SNX1: variants seen among roughly 807,000 people sequenced by gnomAD.
SNX1 encodes the protein sorting nexin 1.
SNX1 carries 36 observed loss-of-function variants against 71.8 expected under a neutral mutation model. That is an observed-to-expected ratio of 0.50 (90% CI 0.38 to 0.66). SNX1 has a LOEUF of 0.66. Among genes scored for constraint, SNX1 ranks in the 30% least tolerant of loss-of-function variants. The pLI is 0.00. For missense variants in SNX1, 612 were observed against 646.7 expected, an observed-to-expected ratio of 0.95 and a Z score of 0.58; for synonymous variants, 254 against 240.7, an observed-to-expected ratio of 1.06 and a Z score of -0.51.
rs753001540 is a variant in SNX1, at chr15:64,112,620, C to A, written c.207C>A (p.Asn69Lys). The stretch of plus-strand genomic sequence containing the variant: ...TAACTACATCCCTTCTTCCCATCAA[C>A]AATGGCTCCAAAGAAAATGGGATCC... ...PKITTSLLPI[N>K]NGSKENGIHE... The change falls in exon 2 of 15, where the codon AAC (asparagine) becomes AAA (lysine). Residue 69 changes from asparagine to lysine, a missense_variant. This residue lies in a region of SNX1 where 316 missense variants were observed against 284.9 expected (regional missense o/e 1.11). Transcript: ENST00000559844. 8.1e-6 allele frequency: 13 copies of A among 1,613,406 alleles called. No individual in the cohort carries two copies. The highest frequency in any genetic ancestry group is 1.0e-5 in the Non-Finnish European group (12 of 1,179,668).
At chr15:64,137,518 G>A in intron 14 of SNX1, 50 bp from the exon 15 acceptor site, 1 of 1,610,154 alleles carries the variant, frequency 6.2e-7, no homozygotes, top group African/African-American at 1.3e-5. Context: ...GCTGGCTTAG[G>A]CTCTGCCACT....
intron 1 of SNX1, among the ~76,000 whole-genome samples, chr15:64,100,080 G>C (rs2080943026): frequency 6.6e-6 from 1 of 152,208 alleles, no homozygotes; most frequent in South Asian, 2.1e-4. Context: ...TGGAGACAGA[G>C]AGGAGCATTG....
chr15:64,115,866 A>G (rs1025502101), intron 2 of SNX1, among the ~76,000 whole-genome samples: 5 of 152,206 alleles, frequency 3.3e-5, no homozygotes, highest in Non-Finnish European at 5.9e-5. Flanking sequence ...TCATTTCCAA[A>G]CATGTTTGTT....
chr15:64,130,905 C>A (rs2081299667), intron 10 of SNX1, among the ~76,000 whole-genome samples: 2 of 152,336 alleles, frequency 1.3e-5, no homozygotes, highest in South Asian at 4.1e-4. Context: ...CCATGAGCTA[C>A]AAATTTAGGT....
chr15:64,124,179 T>C (rs1370037618), intron 5 of SNX1, among the ~76,000 whole-genome samples: 1 of 142,966 alleles, frequency 7.0e-6, no homozygotes, highest in African/African-American at 2.8e-5. Context: ...TATATATATA[T>C]GACTGTTTTG....
Position 64,096,062 on chromosome 15 carries a change from C to T in SNX1, c.49C>T (p.Pro17Ser), listed in dbSNP as rs151109030. 10 of 1,587,496 alleles carry T rather than the reference C, an allele frequency of 6.3e-6. No individual in the cohort carries two copies. The highest frequency in any genetic ancestry group is 1.3e-5 in the African/African-American group (1 of 74,880). ...GCSASERLPPPFPGLEPESEG... is the reference protein window; with the variant it reads ...GCSASERLPPSFPGLEPESEG... The stretch of plus-strand genomic sequence containing the variant: ...TAGCGCTTCGGAGAGACTGCCTCCG[C>T]CCTTCCCCGGCCTGGAGCCGGAGTC... Residue 17 changes from proline to serine, a missense_variant, in exon 1 of 15, where the codon CCC becomes TCC. Transcript: ENST00000559844.
rs3848144 is a variant in SNX1, at chr15:64,137,847, A to T, written c.*229A>T. On this transcript the variant is annotated 3_prime_UTR_variant, in exon 15 of 15. Coordinates refer to ENST00000559844, the MANE Select transcript of SNX1 (RefSeq NM_003099.5). The stretch of plus-strand genomic sequence containing the variant: ...TTCCTGCTTTAAGCAAAAGACCTAC[A>T]ATAGGTGGTGGAATTATGGGATGGG... 5.5e-3 allele frequency: 7,768 copies of T among 1,413,012 alleles called. 334 individuals carry two copies. In the African/African-American group the frequency reaches 0.097, roughly 18 times the overall value. 87.5% of individuals were successfully genotyped at this position (1,413,012 alleles called of 1,614,324 possible). A position where few individuals can be genotyped will look rare whatever the true frequency, so the allele number is the denominator to read the frequency against.
intron 1 of SNX1, among the ~76,000 whole-genome samples, chr15:64,099,734 A>G (rs907892611): frequency 2.6e-5 from 4 of 152,230 alleles, no homozygotes; most frequent in Non-Finnish European, 5.9e-5. Flanking sequence ...TTTTTGAGAC[A>G]TAGTCTCACT....
chr15:64,123,455 A>C, intron 4 of SNX1, 48 bp from the exon 5 acceptor site: 6 of 1,524,292 alleles, frequency 3.9e-6, no homozygotes, highest in African/African-American at 1.4e-5. Flanking sequence ...CTGGATTGGC[A>C]CTGCTTTGGT....
chr15:64,125,015 T>A (rs2081235556), intron 5 of SNX1, among the ~76,000 whole-genome samples: 1 of 152,214 alleles, frequency 6.6e-6, no homozygotes, highest in Non-Finnish European at 1.5e-5. Context: ...CTGCGTCCTG[T>A]GAGCTCTAGA....
At chr15:64,110,649 A>T (rs1391658628) in intron 1 of SNX1, among the ~76,000 whole-genome samples, 1 of 152,076 alleles carries the variant, frequency 6.6e-6, no homozygotes, top group Non-Finnish European at 1.5e-5. Flanking sequence ...CAGTCCTCCC[A>T]CCTTGGCCTC....
At chr15:64,124,703 C>G (rs1056905184) in intron 5 of SNX1, among the ~76,000 whole-genome samples, 1 of 152,160 alleles carries the variant, frequency 6.6e-6, no homozygotes, top group African/African-American at 2.4e-5. Context: ...TTGCACATCT[C>G]TAGTACACAC....
intron 1 of SNX1, among the ~76,000 whole-genome samples, chr15:64,104,207 G>A (rs564497048): frequency 6.6e-6 from 1 of 150,658 alleles, no homozygotes; most frequent in Admixed American, 6.6e-5. Context: ...AATTAACTTA[G>A]CTTTCAGAAT....
Position 64,129,822 on chromosome 15 carries a change from A to G in SNX1, c.808-94A>G, listed in dbSNP as rs1239117370. 3 of 857,804 alleles carry G rather than the reference A, an allele frequency of 3.5e-6. No homozygotes were observed. The African/African-American group carries it at 5.0e-5, about 14-fold the overall frequency. The allele number at this position is 857,804 out of a possible 1,614,324, so 53.1% of individuals were successfully genotyped here. On this transcript the variant is annotated intron_variant, in intron 8 of 14. Coordinates refer to ENST00000559844, the MANE Select transcript of SNX1 (RefSeq NM_003099.5). The surrounding 1 kb of genome is among the most constrained non-coding windows in gnomAD (Gnocchi z 4.4). ...TTACAGTTCAAATAATTTGTCTGGC[A>G]AGTTTTGGCATGCCATCTGATGGAT...
chr15:64,135,592 C>T (rs1437820252), intron 12 of SNX1, among the ~76,000 whole-genome samples: 7 of 151,188 alleles, frequency 4.6e-5, no homozygotes, highest in Non-Finnish European at 7.4e-5. Flanking sequence ...CCCGTCTCTA[C>T]TAAAAAAAAT....
At position 64,134,896 on chromosome 15, in the gene SNX1, CA is replaced by C. The variant is rs1262230956; in HGVS notation, c.1365+90del. The C allele has an allele frequency of 2.6e-6, 4 of 1,522,492 alleles. No homozygotes were observed. 94.3% of individuals were successfully genotyped at this position (1,522,492 alleles called of 1,614,324 possible). On this transcript the variant is annotated intron_variant, in intron 12 of 14. Coordinates refer to ENST00000559844, the MANE Select transcript of SNX1 (RefSeq NM_003099.5). The surrounding 1 kb of genome is among the most constrained non-coding windows in gnomAD (Gnocchi z 4.1). ...TCCCACCCAGAGGTTTGGAACCCCA[CA>C]GGGGGAAGAGCGCTGATTGAGTCTA...
chr15:64,136,264 C>T (rs2081358409), intron 12 of SNX1, 66 bp from the exon 13 acceptor site: 1 of 1,312,620 alleles, frequency 7.6e-7, no homozygotes. Context: ...AATCGCTGTC[C>T]AAATGTGAAG....
chr15:64,131,570 C>T, intron 10 of SNX1, 117 bp from the exon 11 acceptor site: 1 of 909,850 alleles, frequency 1.1e-6, no homozygotes, highest in Non-Finnish European at 1.7e-6. Flanking sequence ...TTGCAGAGCC[C>T]TCAGTTCCCA....
intron 1 of SNX1, among the ~76,000 whole-genome samples, chr15:64,103,659 C>CT (rs2080988114): frequency 6.6e-6 from 1 of 152,128 alleles, no homozygotes; most frequent in Non-Finnish European, 1.5e-5. Flanking sequence ...GTTTATTTCT[C>CT]TGAGTGGTTA....
Sources: gnomAD v4.1 joint callset for allele counts (sites outside exome capture counted in the v4.1 genomes callset) on GRCh38, gnomAD v4.1.1 for gene constraint, gnomAD v4.1.1 regional missense constraint, Gnocchi (gnomAD v3.1) non-coding constraint, MANE v1.5 for transcripts, NCBI Gene and HGNC (gene_info 2026-07-23, HGNC 2026-07-21) for gene names.